Variants in GRIA4 observed in about 807,000 individuals in gnomAD.
GRIA4 encodes glutamate receptor 4.
In GRIA4, 34 loss-of-function variants were observed where a neutral mutation model predicts 104.0. That is an observed-to-expected ratio of 0.33 (90% confidence interval 0.25 to 0.44). GRIA4 has a LOEUF of 0.44. Among genes scored for constraint, GRIA4 ranks in the 20% least tolerant of loss-of-function variants. The pLI, the probability that GRIA4 is intolerant of heterozygous loss-of-function variation, is 1.00. For missense variants in GRIA4, 750 were observed against 1,096.5 expected, an observed-to-expected ratio of 0.68 and a Z score of 4.46; for synonymous variants, 386 against 381.9, an observed-to-expected ratio of 1.01 and a Z score of -0.13.
intron 4 of GRIA4, among the ~76,000 whole-genome samples, chr11:105,764,884 G>A (rs1940858745): frequency 6.6e-6 from 1 of 151,932 alleles, no homozygotes; most frequent in African/African-American, 2.4e-5. Flanking sequence ...ATTGTTTCTT[G>A]TCTAAAAACA....
intron 2 of GRIA4, 125 bp downstream of exon 2, chr11:105,611,210 T>C: frequency 1.4e-6 from 1 of 720,606 alleles, no homozygotes. Flanking sequence ...TCTGTTTCCC[T>C]CCTCTTCCTT....
intron 4 of GRIA4, among the ~76,000 whole-genome samples, chr11:105,815,799 T>C (rs1320512620): frequency 2.0e-5 from 3 of 152,186 alleles, no homozygotes; most frequent in Non-Finnish European, 4.4e-5. Context: ...GAAATCAAGA[T>C]AGCTTCAAGA....
chr11:105,944,985 T>G (rs1362115167), intron 14 of GRIA4, among the ~76,000 whole-genome samples: 3 of 152,250 alleles, frequency 2.0e-5, no homozygotes, highest in Non-Finnish European at 4.4e-5. Flanking sequence ...TTTTTTATTT[T>G]CACAATAATT....
chr11:105,752,056 T>C (rs1267584683), intron 3 of GRIA4, among the ~76,000 whole-genome samples: 1 of 152,220 alleles, frequency 6.6e-6, no homozygotes, highest in African/African-American at 2.4e-5. Context: ...CCTTAAAATA[T>C]AAATTGGAAA....
At chr11:105,780,828 C>T (rs756029605) in intron 4 of GRIA4, among the ~76,000 whole-genome samples, 12 of 152,158 alleles carry the variant, frequency 7.9e-5, no homozygotes, top group Non-Finnish European at 1.2e-4. Flanking sequence ...ACTCCAAACA[C>T]GAACACTTCT....
At chr11:105,714,039 G>A (rs1411460488) in intron 3 of GRIA4, among the ~76,000 whole-genome samples, 2 of 151,964 alleles carry the variant, frequency 1.3e-5, no homozygotes, top group African/African-American at 4.8e-5. Flanking sequence ...TAGGATTTAG[G>A]TTTTACAAAA....
At chr11:105,958,011 C>G (rs1024210763) in intron 14 of GRIA4, among the ~76,000 whole-genome samples, 2 of 151,992 alleles carry the variant, frequency 1.3e-5, no homozygotes, top group East Asian at 1.9e-4. Context: ...GAGATTTTGG[C>G]CTGAGATGAT....
chr11:105,647,588 A>G (rs1208947397), intron 3 of GRIA4, among the ~76,000 whole-genome samples: 1 of 152,208 alleles, frequency 6.6e-6, no homozygotes, highest in Non-Finnish European at 1.5e-5. Flanking sequence ...TGTGGTGCAC[A>G]TACACCATGG....
At chr11:105,905,515 T>C (rs1591428097) in intron 9 of GRIA4, among the ~76,000 whole-genome samples, 2 of 152,194 alleles carry the variant, frequency 1.3e-5, no homozygotes, top group East Asian at 3.8e-4. Context: ...AACTAATTTA[T>C]ACACTGTTTA....
rs866207998 is a variant in GRIA4 at position 105,691,386 on chromosome 11, C to A, written c.248-61595C>A. On this transcript the variant is annotated intron_variant, in intron 3 of 16. Transcript: ENST00000282499. ...CACAGAAAAAAAGTTTCTTAGAAGA[C>A]AATGTAGTCTGTTTACTTTGTACAC... Among the ~76,000 whole-genome samples, 3 of 151,992 alleles carry A rather than the reference C, an allele frequency of 2.0e-5. No homozygotes were observed. The South Asian group carries it at 6.2e-4, about 31-fold the overall frequency.
intron 4 of GRIA4, among the ~76,000 whole-genome samples, chr11:105,836,148 T>C (rs1418388242): frequency 1.3e-5 from 2 of 152,090 alleles, no homozygotes; most frequent in East Asian, 3.9e-4. Context: ...AAAATAGTCA[T>C]AGAAGCATGG....
chr11:105,733,296 C>T (rs1158588694), intron 3 of GRIA4, among the ~76,000 whole-genome samples: 1 of 152,118 alleles, frequency 6.6e-6, no homozygotes, highest in Non-Finnish European at 1.5e-5. Flanking sequence ...AGATAGAAGT[C>T]AGTAGGCCAT....
intron 3 of GRIA4, among the ~76,000 whole-genome samples, chr11:105,735,256 A>G (rs556677510): frequency 1.3e-5 from 2 of 152,166 alleles, no homozygotes; most frequent in Non-Finnish European, 2.9e-5. Context: ...AAAAACAAAA[A>G]TCTGCTTAGA....
At chr11:105,860,525 A>C (rs1945181125) in intron 4 of GRIA4, among the ~76,000 whole-genome samples, 1 of 152,230 alleles carries the variant, frequency 6.6e-6, no homozygotes, top group Non-Finnish European at 1.5e-5. Flanking sequence ...GTTAAAGAGG[A>C]CTAGAATATT....
chr11:105,866,400 C>T (rs1945405361), intron 5 of GRIA4, among the ~76,000 whole-genome samples: 1 of 151,300 alleles, frequency 6.6e-6, no homozygotes, highest in Non-Finnish European at 1.5e-5. Context: ...TTTATTCATT[C>T]TACAAACATT....
At chr11:105,891,148 C>T (rs1946440057) in intron 6 of GRIA4, among the ~76,000 whole-genome samples, 1 of 152,068 alleles carries the variant, frequency 6.6e-6, no homozygotes, top group Admixed American at 6.6e-5. Flanking sequence ...CATTTAGCTG[C>T]CAGTTGTTTT....
chr11:105,828,475 G>A (rs1428545499), intron 4 of GRIA4, among the ~76,000 whole-genome samples: 1 of 151,928 alleles, frequency 6.6e-6, no homozygotes, highest in Non-Finnish European at 1.5e-5. Flanking sequence ...GGCAGCACTG[G>A]CGGTTCCTAC....
intron 4 of GRIA4, among the ~76,000 whole-genome samples, chr11:105,842,545 G>A (rs1371103211): frequency 6.6e-6 from 1 of 152,150 alleles, no homozygotes; most frequent in African/African-American, 2.4e-5. Context: ...TTACTGACAA[G>A]ATTAAATGGT....
chr11:105,628,659 C>T (rs980820488), intron 3 of GRIA4, among the ~76,000 whole-genome samples: 1 of 152,134 alleles, frequency 6.6e-6, no homozygotes, highest in Admixed American at 6.6e-5. Context: ...AACCTCTTTC[C>T]TTTGTAAATT....
Sources: gnomAD v4.1 joint callset for allele counts (sites outside exome capture counted in the v4.1 genomes callset) on GRCh38, gnomAD v4.1.1 for gene constraint, MANE v1.5 for transcripts, NCBI Gene and HGNC (gene_info 2026-07-23, HGNC 2026-07-21) for gene names.